Variants in COL18A1 observed in about 807,000 individuals in gnomAD.
COL18A1 encodes the protein collagen type XVIII alpha 1 chain.
Under a neutral mutation model 168.0 loss-of-function variants are expected in COL18A1, and 133 were observed. The ratio of observed to expected loss-of-function variants is 0.79; its 90% CI spans 0.69 to 0.91. COL18A1 has a LOEUF of 0.91. COL18A1 is among the 40% of genes least tolerant of loss of function. The probability of loss-of-function intolerance (pLI) is 0.00; values close to 1 mark genes in which losing one functional copy is unlikely to be tolerated. For missense variants in COL18A1, 2,126 were observed against 1,925.4 expected, an observed-to-expected ratio of 1.10 and a Z score of -1.95; for synonymous variants, 949 against 809.0, an observed-to-expected ratio of 1.17 and a Z score of -2.94.
chr21:45,493,029 G>A, intron 24 of COL18A1, 134 bp from the exon 25 acceptor site: 1 of 921,582 alleles, frequency 1.1e-6, no homozygotes, highest in Middle Eastern at 3.2e-4. Context: ...AGTGAGGCTG[G>A]GGCCGCGAGG....
intron 24 of COL18A1, 94 bp from the exon 25 acceptor site, chr21:45,493,069 A>T (rs2036410790): frequency 1.5e-6 from 2 of 1,299,568 alleles, no homozygotes; most frequent in Non-Finnish European, 2.2e-6. Context: ...AGGCAGGCAT[A>T]TTGCGGGGGG....
At chr21:45,433,931 T>C (rs75522531) in intron 2 of COL18A1, among the ~76,000 whole-genome samples, 6,217 of 150,858 alleles carry the variant, frequency 0.041, 163 homozygotes, top group African/African-American at 0.077. Context: ...GAACCCCAGT[T>C]TTTGTGCACG....
intron 13 of COL18A1, 122 bp downstream of exon 13, chr21:45,480,980 C>T (rs1006953231): frequency 5.0e-6 from 7 of 1,400,332 alleles, no homozygotes; most frequent in South Asian, 3.8e-5. Flanking sequence ...CTCACCTCAT[C>T]TCCTCTAGGA....
At position 45,504,628 on chromosome 21, in the gene COL18A1, C is replaced by T. The variant is rs907065745; in HGVS notation, c.2868+72C>T. The T allele has an allele frequency of 3.3e-5, 46 of 1,414,822 alleles. 2 individuals carry two copies. The South Asian group carries it at 4.7e-4, about 14-fold the overall frequency. The allele number at this position is 1,414,822 out of a possible 1,614,324, so 87.6% of individuals were successfully genotyped here. A position where few individuals can be genotyped will look rare whatever the true frequency, so the allele number is the denominator to read the frequency against. ...GTGCAGGAGCCGAGGGCAGGTCCAGCCCGGCCTTCGACACCCGCGAAGGCC... is the reference window on the plus strand; with the variant it reads ...GTGCAGGAGCCGAGGGCAGGTCCAGTCCGGCCTTCGACACCCGCGAAGGCC... On this transcript the variant is annotated intron_variant, in intron 34 of 41. Coordinates refer to ENST00000651438, the MANE Select transcript of COL18A1 (RefSeq NM_001379500.1).
chr21:45,477,985 C>A lies in COL18A1; in HGVS notation c.1221+20C>A. On this transcript the variant is annotated intron_variant, in intron 8 of 41. Transcript: ENST00000651438. ...GAGCCGGTGAGTCCTCACGTCCCCC[C>A]GAGTCCGGCCCGGTCTGGAGGGTGG... 2 of 1,301,440 alleles carry A rather than the reference C, an allele frequency of 1.5e-6. No individual in the cohort carries two copies. Among genetic ancestry groups the A allele is most frequent in the Non-Finnish European group, 2.2e-6 (2 of 924,486 alleles). The allele number at this position is 1,301,440 out of a possible 1,614,324, so 80.6% of individuals were successfully genotyped here. A position where few individuals can be genotyped will look rare whatever the true frequency, so the allele number is the denominator to read the frequency against.
intron 2 of COL18A1, among the ~76,000 whole-genome samples, chr21:45,453,788 G>A (rs533866390): frequency 6.6e-5 from 10 of 152,310 alleles, no homozygotes; most frequent in Non-Finnish European, 1.0e-4. Flanking sequence ...GTGTGGCCCC[G>A]AGGGCCGGAG....
chr21:45,453,344 C>G (rs1277071159), intron 2 of COL18A1, among the ~76,000 whole-genome samples: 1 of 152,202 alleles, frequency 6.6e-6, no homozygotes, highest in Non-Finnish European at 1.5e-5. Context: ...GCTAAGCATG[C>G]ATGTGCATGT....
chr21:45,494,419 TAGGG>T (rs2036462204), intron 26 of COL18A1, 122 bp from the exon 27 acceptor site: 4 of 1,394,468 alleles, frequency 2.9e-6, no homozygotes, highest in Admixed American at 3.5e-5. Context: ...CAGCGGCCCT[TAGGG>T]AGGCTATCAG....
Position 45,494,871 on chromosome 21 carries a change from G to A in COL18A1, c.2389G>A (p.Gly797Arg), listed in dbSNP as rs780841902. 8 of 1,609,776 alleles carry A rather than the reference G, an allele frequency of 5.0e-6. No homozygotes were observed. The highest frequency in any genetic ancestry group is 4.4e-5 in the South Asian group (4 of 90,488). ...PGFRGPPGPYGRPGYKGEIGF... is the reference protein window; with the variant it reads ...PGFRGPPGPYRRPGYKGEIGF... Reference sequence around the variant, plus strand: ...CCCCTTCCTCTTGCAGGGTCCATACGGACGGCCGGGGTACAAGGGAGAGAT... The same window carrying A: ...CCCCTTCCTCTTGCAGGGTCCATACAGACGGCCGGGGTACAAGGGAGAGAT... The change falls in exon 28 of 42, where the codon GGA becomes AGA. Residue 797 changes from glycine to arginine, a missense_variant. By Grantham distance (125) the Gly-to-Arg change is moderately radical. Transcript: ENST00000651438.
intron 2 of COL18A1, among the ~76,000 whole-genome samples, chr21:45,447,065 G>T (rs576854903): frequency 6.6e-5 from 10 of 152,244 alleles, no homozygotes; most frequent in African/African-American, 2.4e-4. Flanking sequence ...AGCAAGACAA[G>T]GACGTTCCCT....
intron 13 of COL18A1, 88 bp downstream of exon 13, chr21:45,480,946 T>C: frequency 6.6e-7 from 1 of 1,514,970 alleles, no homozygotes; most frequent in Non-Finnish European, 8.9e-7. Context: ...CTGCCCCGCC[T>C]CAGGCCTCCC....
Position 45,463,283 on chromosome 21 carries a change from G to A in COL18A1, c.107-4959G>A, listed in dbSNP as rs146812366. On this transcript the variant is annotated intron_variant, in intron 2 of 41. Coordinates refer to ENST00000651438, the MANE Select transcript of COL18A1 (RefSeq NM_001379500.1). This position sits in a 1 kb window ranked among gnomAD's most constrained non-coding sequence, Gnocchi z 4.0. ...TCTGCAGGACAGGGTCCTTTTTGCC[G>A]TCCTGTTTCCCACAAGCTGTGTGGC... 3.7e-3 allele frequency among the ~76,000 whole-genome samples: 563 copies of A among 152,322 alleles called. 3 individuals carry two copies. The highest frequency in any genetic ancestry group is 5.9e-3 in the Non-Finnish European group (401 of 68,030).
chr21:45,493,419 G>C, intron 25 of COL18A1, 82 bp from the exon 26 acceptor site: 1 of 1,391,790 alleles, frequency 7.2e-7, no homozygotes, highest in Non-Finnish European at 1.0e-6. Context: ...CCCAGTCACA[G>C]CGGCCCTGCC....
rs900819684 is a variant in COL18A1 at position 45,471,712 on chromosome 21, CATTTCCAGCTGTGTCCTG to C, written c.652-2138_652-2121del. Among the ~76,000 whole-genome samples the C allele has an allele frequency of 3.4e-3, 513 of 152,258 alleles. 2 individuals are homozygous for C. Among genetic ancestry groups the C allele is most frequent in the African/African-American group, 5.5e-3 (227 of 41,534 alleles). ...CAGCTGCTGCCGTTGCCTTGAACGT[CATTTCCAGCTGTGTCCTG>C]ATTTCCAGCTGTGTCCTGATTTCCA... On this transcript the variant is annotated intron_variant, in intron 3 of 41. Transcript: ENST00000651438. The surrounding 1 kb of genome is among the most constrained non-coding windows in gnomAD (Gnocchi z 4.4).
intron 2 of COL18A1, among the ~76,000 whole-genome samples, chr21:45,446,600 C>G (rs555224280): frequency 1.3e-5 from 2 of 152,328 alleles, no homozygotes; most frequent in Middle Eastern, 3.4e-3. Context: ...CCAATTCTCA[C>G]AAACTCTTTC....
Position 45,498,602 on chromosome 21 carries a change from A to G in COL18A1, c.2683+941A>G. The G allele has an allele frequency of 1.4e-6, 1 of 715,220 alleles. No individual in the cohort carries two copies. Among genetic ancestry groups the G allele is most frequent in the Middle Eastern group, 2.3e-4 (1 of 4,342 alleles). The allele number at this position is 715,220 out of a possible 1,614,324, so 44.3% of individuals were successfully genotyped here. ...GCAGAGGCCGAGTCTGGGCCGGGAC[A>G]TCCTTAAGGCCTGTGGAGGCAAAGG... is the stretch of plus-strand genomic sequence containing the variant. On this transcript the variant is annotated intron_variant, in intron 32 of 41. Transcript: ENST00000651438. The surrounding 1 kb of genome is among the most constrained non-coding windows in gnomAD (Gnocchi z 4.5).
intron 37 of COL18A1, 64 bp from the exon 38 acceptor site, chr21:45,507,497 C>T (rs1462136267): frequency 2.0e-6 from 1 of 507,170 alleles, no homozygotes. Flanking sequence ...GGGTGCTGGG[C>T]AGGGAGGGCA....
chr21:45,411,538 GAGTAAGCCTC>G (rs202081459), intron 2 of COL18A1, among the ~76,000 whole-genome samples: 2,279 of 152,214 alleles, frequency 0.015, 28 homozygotes, highest in Non-Finnish European at 0.025. Context: ...GAAGGGCCCG[GAGTAAGCCTC>G]AGACGCCCAC....
intron 14 of COL18A1, chr21:45,482,420 C>T: frequency 3.4e-6 from 2 of 590,338 alleles, no homozygotes; most frequent in Non-Finnish European, 6.3e-6. Flanking sequence ...GAGCGGTCTC[C>T]AGCATGACCT....
Sources: gnomAD v4.1 joint callset for allele counts (sites outside exome capture counted in the v4.1 genomes callset) on GRCh38, gnomAD v4.1.1 for gene constraint, Gnocchi (gnomAD v3.1) non-coding constraint, MANE v1.5 for transcripts, NCBI Gene and HGNC (gene_info 2026-07-23, HGNC 2026-07-21) for gene names.